Variants in PRR16 observed in about 807,000 individuals in gnomAD.
The protein encoded by PRR16 is protein Largen.
Under a neutral mutation model 18.2 loss-of-function variants are expected in PRR16, and 6 were observed. The ratio of observed to expected loss-of-function variants is 0.33; its 90% CI spans 0.18 to 0.65. The LOEUF (loss-of-function observed/expected upper bound fraction) is 0.65, where lower values mean the gene tolerates loss of function less well. Among genes scored for constraint, PRR16 ranks in the 30% least tolerant of loss-of-function variants. The pLI, the probability that PRR16 is intolerant of heterozygous loss-of-function variation, is 0.74. For missense variants in PRR16, 412 were observed against 376.6 expected (o/e 1.09, Z -0.78); for synonymous variants, 151 against 147.8 (o/e 1.02, Z -0.16).
At chr5:120,495,059 A>G (rs1402900881) in intron 1 of PRR16, among the ~76,000 whole-genome samples, 1 of 151,998 alleles carries the variant, frequency 6.6e-6, no homozygotes, top group Non-Finnish European at 1.5e-5. Flanking sequence ...GGCTTTCGCT[A>G]TTATAATTTA....
intron 1 of PRR16, among the ~76,000 whole-genome samples, chr5:120,663,365 T>A (rs1167422832): frequency 6.6e-6 from 1 of 152,164 alleles, no homozygotes; most frequent in Non-Finnish European, 1.5e-5. Flanking sequence ...CTTTCTAAAC[T>A]TTTCACTATG....
At chr5:120,479,034 T>TA (rs1211865702) in intron 1 of PRR16, among the ~76,000 whole-genome samples, 2 of 152,130 alleles carry the variant, frequency 1.3e-5, no homozygotes, top group African/African-American at 4.8e-5. Context: ...AATTAGGTAA[T>TA]ATCACTCTGG....
chr5:120,783,519 T>C, the PRR16 span, among the ~76,000 whole-genome samples: 1 of 152,166 alleles, frequency 6.6e-6, no homozygotes, highest in East Asian at 1.9e-4. Context: ...TTCCCTCAAC[T>C]TTCTTTTTTC....
At chr5:120,779,665 C>G in the PRR16 span, among the ~76,000 whole-genome samples, 1 of 151,898 alleles carries the variant, frequency 6.6e-6, no homozygotes, top group Non-Finnish European at 1.5e-5. Context: ...TTGTATTACC[C>G]CAAAATAATT....
At chr5:120,632,717 A>G (rs1451624705) in intron 1 of PRR16, among the ~76,000 whole-genome samples, 1 of 152,218 alleles carries the variant, frequency 6.6e-6, no homozygotes, top group Admixed American at 6.5e-5. Context: ...AAAGCCTCCA[A>G]GAAGTTTGGG....
At chr5:120,669,786 A>G (rs1359192700) in intron 1 of PRR16, among the ~76,000 whole-genome samples, 1 of 152,140 alleles carries the variant, frequency 6.6e-6, no homozygotes, top group East Asian at 1.9e-4. Context: ...TAGATTTTAC[A>G]TTCACAACGT....
At chr5:120,742,875 G>A in the PRR16 span, among the ~76,000 whole-genome samples, 4 of 152,122 alleles carry the variant, frequency 2.6e-5, no homozygotes, top group East Asian at 7.7e-4. Context: ...TCTAGAGGTT[G>A]CCCACATAAC....
chr5:120,625,970 GT>G (rs1754849532), intron 1 of PRR16, among the ~76,000 whole-genome samples: 1 of 152,062 alleles, frequency 6.6e-6, no homozygotes, highest in Non-Finnish European at 1.5e-5. Context: ...TATTGAACTG[GT>G]TTAGAAACCC....
the PRR16 span, among the ~76,000 whole-genome samples, chr5:120,753,128 A>C: frequency 6.6e-6 from 1 of 152,014 alleles, no homozygotes; most frequent in Non-Finnish European, 1.5e-5. Flanking sequence ...GTAAAAGGTC[A>C]ATCTGGTGTA....
At chr5:120,551,409 G>C (rs1221916392) in intron 1 of PRR16, among the ~76,000 whole-genome samples, 3 of 151,964 alleles carry the variant, frequency 2.0e-5, no homozygotes, top group African/African-American at 7.2e-5. Context: ...CTAACTGGTT[G>C]TGAGACCGTT....
In PRR16 at chr5:120,686,076, G is replaced by T. The variant is rs370064058; in HGVS notation, c.282G>T (p.Lys94Asn). The T allele has an allele frequency of 1.9e-6, 3 of 1,613,960 alleles. No homozygotes were observed. The highest frequency in any genetic ancestry group is 2.7e-5 in the African/African-American group (2 of 74,874). The change falls in exon 2 of 2, where the codon AAG becomes AAT. Residue 94 changes from lysine (K) to asparagine (N), a missense_variant. By Grantham distance (94) the Lys-to-Asn change is moderately conservative. Transcript: ENST00000407149. ...SSGTTASSLEKIKVQANAPLI... is the reference protein window; with the variant it reads ...SSGTTASSLENIKVQANAPLI... ...GCACAACAGCCTCCAGCCTAGAGAA[G>T]ATCAAAGTGCAGGCTAATGCACCGC...
the PRR16 span, among the ~76,000 whole-genome samples, chr5:120,746,431 GAT>G: frequency 4.4e-4 from 3 of 6,886 alleles, no homozygotes; most frequent in African/African-American, 4.8e-4. Context: ...GGAACTCAGA[GAT>G]TTTTTTTTTT....
the PRR16 span, among the ~76,000 whole-genome samples, chr5:120,767,847 C>G: frequency 6.6e-6 from 1 of 151,764 alleles, no homozygotes; most frequent in Non-Finnish European, 1.5e-5. Context: ...CCAAATACAA[C>G]TTTTGCATTA....
At chr5:120,708,179 C>A in the PRR16 span, among the ~76,000 whole-genome samples, 1 of 152,206 alleles carries the variant, frequency 6.6e-6, no homozygotes, top group East Asian at 1.9e-4. Flanking sequence ...AATTTAGTAG[C>A]CTTCAGGGTT....
chr5:120,488,471 A>C (rs1392818323), intron 1 of PRR16, among the ~76,000 whole-genome samples: 2 of 152,028 alleles, frequency 1.3e-5, no homozygotes, highest in Non-Finnish European at 2.9e-5. Flanking sequence ...GGTAGTTTGT[A>C]TTTCTGTGCG....
chr5:120,771,930 T>G, the PRR16 span, among the ~76,000 whole-genome samples: 64 of 152,022 alleles, frequency 4.2e-4, 1 homozygote, highest in Middle Eastern at 6.8e-3. Context: ...TTAGATCAAA[T>G]AAGAAAAAAT....
chr5:120,755,811 A>G, the PRR16 span, among the ~76,000 whole-genome samples: 2 of 152,102 alleles, frequency 1.3e-5, no homozygotes, highest in Non-Finnish European at 2.9e-5. Flanking sequence ...GTTTTAAACA[A>G]AGAATCGGAG....
At chr5:120,465,324 GCTTC>G in intron 1 of PRR16, among the ~76,000 whole-genome samples, 1 of 152,216 alleles carries the variant, frequency 6.6e-6, no homozygotes, top group East Asian at 1.9e-4. Context: ...CCCTACCTCT[GCTTC>G]CTTCCTTCCA....
At chr5:120,574,654 T>G (rs1314542060) in intron 1 of PRR16, among the ~76,000 whole-genome samples, 1 of 148,600 alleles carries the variant, frequency 6.7e-6, no homozygotes, top group Non-Finnish European at 1.5e-5. Flanking sequence ...ACCATAAATA[T>G]ATGAAACAGT....
Sources: allele counts gnomAD v4.1 joint callset (sites outside exome capture counted in the v4.1 genomes callset), GRCh38; gene constraint gnomAD v4.1.1; transcripts MANE v1.5; gene names NCBI Gene and HGNC (gene_info 2026-07-23, HGNC 2026-07-21).